The following STYK1 variants were observed in gnomAD, a reference collection of about 807,000 sequenced individuals.
The protein encoded by STYK1 is tyrosine-protein kinase STYK1.
A neutral mutation model predicts 48.1 loss-of-function variants in STYK1; 46 were observed. The observed-to-expected ratio is 0.96, with a 90% CI of 0.75 to 1.22. The LOEUF is 1.22. Ranked by LOEUF, STYK1 falls within the 50% of genes most tolerant of loss-of-function variation. The probability of loss-of-function intolerance (pLI) is 0.00; values close to 1 mark genes in which losing one functional copy is unlikely to be tolerated. For synonymous variants in STYK1, 188 were observed against 189.0 expected (o/e 0.99, Z 0.04); for missense variants, 527 against 521.1 (o/e 1.01, Z -0.11).
At position 10,619,006 on chromosome 12, in the gene STYK1, T is replaced by C. The variant is rs750847218; in HGVS notation, c.*1138A>G. On this transcript the variant is annotated 3_prime_UTR_variant, in exon 11 of 11. Coordinates refer to ENST00000075503, the MANE Select transcript of STYK1 (RefSeq NM_018423.3). ...TGTACAAATACATACTCAAAACGTA[T>C]CAATCCTCAGAACAACCTTGTGAAA... The C allele has an allele frequency of 1.6e-4, 24 of 152,186 alleles. No homozygotes were observed. Among genetic ancestry groups the C allele is most frequent in the Non-Finnish European group, 2.5e-4 (17 of 68,030 alleles). The allele number at this position is 152,186 out of a possible 1,614,324, so 9.4% of individuals were successfully genotyped here.
intron 1 of STYK1, among the ~76,000 whole-genome samples, chr12:10,647,419 C>T (rs1032350959): frequency 6.6e-6 from 1 of 152,188 alleles, no homozygotes; most frequent in Non-Finnish European, 1.5e-5. Flanking sequence ...TTTGTTTTGG[C>T]CAATTTCTCC....
rs184557472 is a variant in STYK1, at chr12:10,641,162, C to A, written c.-194-3966G>T. Among the ~76,000 whole-genome samples the A allele has an allele frequency of 1.1e-3, 174 of 152,234 alleles. 2 individuals are homozygous for A. Among genetic ancestry groups the A allele is most frequent in the Non-Finnish European group, 2.0e-3 (138 of 68,026 alleles). Reference sequence around the variant, plus strand: ...TTCCCCAGCTCAGAATAAGGGCTATCAGTGAGAGGGAAAAGCTGAGAACTC... The same window carrying A: ...TTCCCCAGCTCAGAATAAGGGCTATAAGTGAGAGGGAAAAGCTGAGAACTC... On this transcript the variant is annotated intron_variant, in intron 1 of 10. Coordinates refer to ENST00000075503, the MANE Select transcript of STYK1 (RefSeq NM_018423.3).
At chr12:10,647,006 CAA>C (rs1185310234) in intron 1 of STYK1, among the ~76,000 whole-genome samples, 1 of 152,212 alleles carries the variant, frequency 6.6e-6, no homozygotes, top group Non-Finnish European at 1.5e-5. Context: ...GATGCCTATG[CAA>C]AAGTTTCCTG....
chr12:10,627,633 C>T lies in STYK1; in HGVS notation c.717+8G>A. The T allele has an allele frequency of 1.2e-6, 2 of 1,611,466 alleles. No individual in the cohort carries two copies. Among genetic ancestry groups the T allele is most frequent in the Non-Finnish European group, 1.7e-6 (2 of 1,179,110 alleles). ...CACACCATCAGTTGTCATGTTGCCTCATCTTACCAGCGCCAAAAGGACCTG... is the reference window on the plus strand; with the variant it reads ...CACACCATCAGTTGTCATGTTGCCTTATCTTACCAGCGCCAAAAGGACCTG... On this transcript the variant is annotated splice_region_variant and intron_variant, in intron 7 of 10. Coordinates refer to ENST00000075503, the MANE Select transcript of STYK1 (RefSeq NM_018423.3).
chr12:10,634,231 C>T (rs1947461504), intron 3 of STYK1, 107 bp from the exon 4 acceptor site: 16 of 1,310,774 alleles, frequency 1.2e-5, no homozygotes, highest in Non-Finnish European at 1.5e-5. Flanking sequence ...ATGAAAAGGT[C>T]ATCTCTTCTA....
chr12:10,627,548 C>T (rs1947372072), intron 7 of STYK1, 93 bp downstream of exon 7: 1 of 1,173,886 alleles, frequency 8.5e-7, no homozygotes, highest in African/African-American at 1.6e-5. Flanking sequence ...AACATACACA[C>T]CACTTGAGAA....
chr12:10,627,716 C>T lies in STYK1; in HGVS notation c.642G>A (p.Met214Ile), dbSNP rs2120621022. The change falls in exon 7 of 11, where the codon ATG becomes ATA. Residue 214 changes from methionine (M) to isoleucine (I), a missense_variant. Physicochemically the swap from Met to Ile is conservative, Grantham distance 10 (BLOSUM62 1). Coordinates refer to ENST00000075503, the MANE Select transcript of STYK1 (RefSeq NM_018423.3). ...SFLWTCRRDV[M>I]TMDGLLYDLT... The stretch of plus-strand genomic sequence containing the variant: ...GATCATAGAGAAGACCATCCATAGT[C>T]ATCACATCCTAAAGAGACAGGGAAA... 2 of 1,611,044 alleles carry T rather than the reference C, an allele frequency of 1.2e-6. No homozygotes were observed. Among genetic ancestry groups the T allele is most frequent in the Non-Finnish European group, 1.7e-6 (2 of 1,179,094 alleles).
intron 1 of STYK1, among the ~76,000 whole-genome samples, chr12:10,670,682 T>C (rs1162879482): frequency 6.6e-6 from 1 of 151,602 alleles, no homozygotes; most frequent in African/African-American, 2.4e-5. Flanking sequence ...GTGGCTACAG[T>C]TAATAACTAT....
Position 10,631,112 on chromosome 12 carries a change from G to T in STYK1, c.384C>A (p.Ile128=), listed in dbSNP as rs755904587. 6.2e-7 allele frequency: 1 copy of T among 1,614,168 alleles called. No homozygotes were observed. Among genetic ancestry groups the T allele is most frequent in the Non-Finnish European group, 8.5e-7 (1 of 1,180,032 alleles). The change falls in exon 5 of 11, where the codon ATC becomes ATA. Residue 128 remains isoleucine (I), a synonymous_variant. Transcript: ENST00000075503. ...EQICSGSCGP[I]FRANMNTGDP... ...CCCCAGTGTTCATATTGGCTCGAAA[G>T]ATGGGCCCACAGCTACCACTGCAAA...
chr12:10,639,274 A>C (rs141987095), intron 1 of STYK1, among the ~76,000 whole-genome samples: 58 of 152,356 alleles, frequency 3.8e-4, no homozygotes, highest in Middle Eastern at 6.8e-3. Context: ...CTATGAAACA[A>C]GCTTCCGGTT....
intron 1 of STYK1, among the ~76,000 whole-genome samples, chr12:10,668,461 C>T (rs963825554): frequency 6.6e-5 from 10 of 151,144 alleles, no homozygotes; most frequent in African/African-American, 2.2e-4. Flanking sequence ...CTGCAACCTC[C>T]GCCTCCCAGG....
chr12:10,624,383 C>A (rs1400473348), intron 8 of STYK1, among the ~76,000 whole-genome samples: 1 of 151,994 alleles, frequency 6.6e-6, no homozygotes, highest in African/African-American at 2.4e-5. Context: ...GTGATCATGC[C>A]ACTTCACTTC....
At chr12:10,655,472 T>TA (rs2120761930) in intron 1 of STYK1, among the ~76,000 whole-genome samples, 2 of 152,350 alleles carry the variant, frequency 1.3e-5, no homozygotes, top group South Asian at 4.1e-4. Flanking sequence ...GCTAAGGCTT[T>TA]GCCTTTTCAC....
At chr12:10,630,030 GA>G in intron 5 of STYK1, among the ~76,000 whole-genome samples, 1 of 141,106 alleles carries the variant, frequency 7.1e-6, no homozygotes, top group East Asian at 2.1e-4. Context: ...ATATCATGAA[GA>G]GGAGAGAGAG....
At chr12:10,656,476 T>C (rs531353574) in intron 1 of STYK1, among the ~76,000 whole-genome samples, 4 of 151,934 alleles carry the variant, frequency 2.6e-5, no homozygotes, top group African/African-American at 9.7e-5. Flanking sequence ...ATACAAAAAA[T>C]TAGCTGGGCA....
chr12:10,627,061 T>G (rs1947367501), intron 7 of STYK1, among the ~76,000 whole-genome samples: 1 of 152,152 alleles, frequency 6.6e-6, no homozygotes, highest in African/African-American at 2.4e-5. Context: ...ATAAAGGAAT[T>G]ATCCAACTGT....
At chr12:10,632,680 G>T (rs550188166) in intron 4 of STYK1, among the ~76,000 whole-genome samples, 2 of 152,240 alleles carry the variant, frequency 1.3e-5, no homozygotes, top group Non-Finnish European at 2.9e-5. Context: ...GGAATGTTAA[G>T]AGTGTGTTGC....
chr12:10,637,273 C>T (rs1156344483), intron 1 of STYK1, 77 bp from the exon 2 acceptor site: 2 of 151,958 alleles, frequency 1.3e-5, no homozygotes, highest in Admixed American at 6.6e-5. Flanking sequence ...ATACAATAAA[C>T]CCTTTCTAAT....
chr12:10,652,657 C>T (rs898944042), intron 1 of STYK1, among the ~76,000 whole-genome samples: 1 of 152,180 alleles, frequency 6.6e-6, no homozygotes, highest in African/African-American at 2.4e-5. Flanking sequence ...TTCAAGCCAA[C>T]TTTACTCAAG....
Sources: gnomAD v4.1 joint callset for allele counts (sites outside exome capture counted in the v4.1 genomes callset) on GRCh38, gnomAD v4.1.1 for gene constraint, MANE v1.5 for transcripts, NCBI Gene and HGNC (gene_info 2026-07-23, HGNC 2026-07-21) for gene names.